Variants in PCTP observed in about 807,000 individuals in gnomAD.
PCTP encodes the protein START domain-containing protein 2.
Under a neutral mutation model 31.0 loss-of-function variants are expected in PCTP, and 27 were observed. The ratio of observed to expected loss-of-function variants is 0.87; its 90% confidence interval spans 0.64 to 1.20. The LOEUF is 1.20. Among genes scored for constraint, PCTP ranks in the 50% most tolerant of loss-of-function variants. PCTP has a pLI of 0.00. For missense variants in PCTP, 287 were observed against 268.2 expected (o/e 1.07, Z -0.49); for synonymous variants, 108 against 101.2 (o/e 1.07, Z -0.40).
chr17:55,751,432 C>A, intron 1 of PCTP, 188 bp downstream of exon 1: 1 of 1,533,934 alleles, frequency 6.5e-7, no homozygotes, highest in Non-Finnish European at 8.7e-7. Flanking sequence ...AAGTGACTGC[C>A]GTGCAGATCC....
chr17:55,757,555 G>GTGTA, intron 1 of PCTP, among the ~76,000 whole-genome samples: 2 of 44,450 alleles, frequency 4.5e-5, no homozygotes, highest in South Asian at 3.1e-3. Flanking sequence ...ATATACACAT[G>GTGTA]TATATGTGTG....
At chr17:55,823,251 G>C (rs1009934846), downstream of PCTP, among the ~76,000 whole-genome samples, 1 of 152,084 alleles carries the variant, frequency 6.6e-6, no homozygotes, top group Non-Finnish European at 1.5e-5. Flanking sequence ...TTTTACCCTA[G>C]TATTACAAAT....
chr17:55,794,620 C>T (rs952622078), intron 3 of PCTP, among the ~76,000 whole-genome samples: 1 of 151,940 alleles, frequency 6.6e-6, no homozygotes, highest in Non-Finnish European at 1.5e-5. Context: ...CAGAATTGCA[C>T]AGAATGTGAA....
At position 55,751,178 on chromosome 17, in the gene PCTP, G is replaced by C. The variant is rs1013363701; in HGVS notation, c.75G>C (p.Leu25=). The C allele has an allele frequency of 1.9e-6, 3 of 1,548,892 alleles. No homozygotes were observed. Among genetic ancestry groups the C allele is most frequent in the Admixed American group, 2.0e-5 (1 of 50,936 alleles). ...EACAELQQPA[L]AGADWQLLVE... ...GCGCCGAGCTCCAGCAGCCCGCTCTGGCCGGGGCCGACTGGCAGCTCCTAG... is the reference window on the plus strand; with the variant it reads ...GCGCCGAGCTCCAGCAGCCCGCTCTCGCCGGGGCCGACTGGCAGCTCCTAG... The change falls in exon 1 of 6, where the codon CTG becomes CTC. Residue 25 remains leucine, a synonymous_variant. Transcript: ENST00000268896.
intron 2 of PCTP, among the ~76,000 whole-genome samples, chr17:55,786,170 GC>G (rs1911737573): frequency 7.0e-6 from 1 of 143,220 alleles, no homozygotes; most frequent in Admixed American, 6.7e-5. Flanking sequence ...TGTAATCCCA[GC>G]TACTCGGGAG....
At chr17:55,843,198 TA>T (rs1900254902), downstream of PCTP, among the ~76,000 whole-genome samples, 1 of 152,144 alleles carries the variant, frequency 6.6e-6, no homozygotes, top group African/African-American at 2.4e-5. Flanking sequence ...TATATTATAA[TA>T]ATGTTATATT....
At chr17:55,760,373 A>G (rs1315459148) in intron 1 of PCTP, among the ~76,000 whole-genome samples, 2 of 152,196 alleles carry the variant, frequency 1.3e-5, no homozygotes, top group East Asian at 1.9e-4. Flanking sequence ...GATATCTAAT[A>G]TTTACTAAGT....
intron 1 of PCTP, among the ~76,000 whole-genome samples, chr17:55,759,291 C>G (rs894940188): frequency 6.6e-6 from 1 of 152,162 alleles, no homozygotes; most frequent in Non-Finnish European, 1.5e-5. Context: ...TCAGTGCCTG[C>G]TGTTCAGTTA....
At chr17:55,845,651 C>T (rs1906123795), downstream of PCTP, among the ~76,000 whole-genome samples, 1 of 152,180 alleles carries the variant, frequency 6.6e-6, no homozygotes, top group Admixed American at 6.5e-5. Flanking sequence ...CTGTGGTGCC[C>T]AGCGCAGTCA....
intron 3 of PCTP, among the ~76,000 whole-genome samples, chr17:55,793,960 A>G (rs1912095096): frequency 6.6e-6 from 1 of 152,162 alleles, no homozygotes; most frequent in Admixed American, 6.6e-5. Flanking sequence ...TGTTCTCTCC[A>G]TAATATTGCA....
intron 2 of PCTP, 120 bp from the exon 3 acceptor site, chr17:55,770,986 G>A (rs1910959832): frequency 1.4e-6 from 1 of 711,390 alleles, no homozygotes; most frequent in African/African-American, 1.8e-5. Context: ...ACTCACCTTG[G>A]CCTCAAAAAG....
At chr17:55,792,072 C>T (rs892232342) in intron 3 of PCTP, among the ~76,000 whole-genome samples, 30 of 144,058 alleles carry the variant, frequency 2.1e-4, no homozygotes, top group Admixed American at 1.7e-3. Flanking sequence ...AACCAAACAC[C>T]GCATATTCTC....
chr17:55,802,754 A>G (rs1195092049), intron 3 of PCTP, among the ~76,000 whole-genome samples: 1 of 152,210 alleles, frequency 6.6e-6, no homozygotes, highest in East Asian at 1.9e-4. Flanking sequence ...ACCCACAGCC[A>G]ATATCATACT....
intron 3 of PCTP, among the ~76,000 whole-genome samples, chr17:55,814,720 C>T (rs1294104436): frequency 6.6e-6 from 1 of 152,210 alleles, no homozygotes; most frequent in East Asian, 1.9e-4. Context: ...AAGGAATGCT[C>T]TCTCTGCATG....
At chr17:55,816,849 G>C (rs1269748496) in intron 3 of PCTP, among the ~76,000 whole-genome samples, 3 of 152,208 alleles carry the variant, frequency 2.0e-5, no homozygotes, top group Admixed American at 6.5e-5. Flanking sequence ...ATTAGCTTTG[G>C]AGCAGAACGT....
At chr17:55,763,806 G>C (rs992327309) in intron 1 of PCTP, among the ~76,000 whole-genome samples, 15 of 152,294 alleles carry the variant, frequency 9.8e-5, no homozygotes, top group African/African-American at 3.4e-4. Flanking sequence ...AAAAATGAGT[G>C]TGGTTGCTGA....
chr17:55,766,176 C>T (rs1910638245), intron 1 of PCTP, among the ~76,000 whole-genome samples: 2 of 152,028 alleles, frequency 1.3e-5, no homozygotes, highest in Non-Finnish European at 2.9e-5. Flanking sequence ...GGGCCTGCAC[C>T]TGCTTTTTTA....
chr17:55,810,650 T>A (rs1244447478), intron 3 of PCTP, among the ~76,000 whole-genome samples: 2 of 152,214 alleles, frequency 1.3e-5, no homozygotes, highest in Non-Finnish European at 2.9e-5. Flanking sequence ...TCATGAGACT[T>A]GTAGGAGCTC....
chr17:55,761,635 A>T (rs1863612), intron 1 of PCTP, among the ~76,000 whole-genome samples: 1 of 147,922 alleles, frequency 6.8e-6, no homozygotes, highest in African/African-American at 2.5e-5. Context: ...ATATATATTT[A>T]TATATATTTT....
Sources: allele counts gnomAD v4.1 joint callset (sites outside exome capture counted in the v4.1 genomes callset), GRCh38; gene constraint gnomAD v4.1.1; transcripts MANE v1.5; gene names NCBI Gene and HGNC (gene_info 2026-07-23, HGNC 2026-07-21).